Variants in PPDPFL observed in about 807,000 individuals in gnomAD.
PPDPFL encodes the protein pancreatic progenitor cell differentiation and proliferation factor-like protein.
In PPDPFL, 12 loss-of-function variants were observed where a neutral mutation model predicts 12.6. The observed-to-expected ratio is 0.95, with a 90% CI of 0.61 to 1.54. The LOEUF (loss-of-function observed/expected upper bound fraction) is 1.54, where lower values mean the gene tolerates loss of function less well. Among genes scored for constraint, PPDPFL ranks in the 40% most tolerant of loss-of-function variants. PPDPFL has a pLI of 0.00. For missense variants in PPDPFL, 114 were observed against 96.0 expected, an observed-to-expected ratio of 1.19 and a Z score of -0.78; for synonymous variants, 24 against 32.7, an observed-to-expected ratio of 0.73 and a Z score of 0.91.
rs1808418101 is a variant in PPDPFL at position 49,072,877 on chromosome 8, A to G, written c.47A>G (p.Tyr16Cys). The G allele has an allele frequency of 6.2e-7, 1 of 1,606,580 alleles. No homozygotes were observed. The change falls in exon 2 of 5, where the codon TAT (tyrosine) becomes TGT (cysteine). Residue 16 changes from tyrosine to cysteine, a missense_variant. By Grantham distance (194) the Tyr-to-Cys change is radical. Transcript: ENST00000522267. Reference sequence around the variant, plus strand: ...GGTTGCCTTCTAGCCAGAAATCAGTATTATCGAAGTAAGTTGCATCATCAT... The same window carrying G: ...GGTTGCCTTCTAGCCAGAAATCAGTGTTATCGAAGTAAGTTGCATCATCAT... ...SIGCLLARNQ[Y>C]YRKSSVSSVS...
chr8:49,066,213 A>G (rs1039152265), intron 1 of PPDPFL, among the ~76,000 whole-genome samples: 29 of 152,222 alleles, frequency 1.9e-4, no homozygotes, highest in Non-Finnish European at 3.4e-4. Context: ...GTTAAAAATG[A>G]AAGAAGAGAG....
chr8:49,068,063 T>A (rs1808327212), upstream of PPDPFL, among the ~76,000 whole-genome samples: 1 of 152,226 alleles, frequency 6.6e-6, no homozygotes, highest in South Asian at 2.1e-4. Context: ...TGTGACATTT[T>A]AATTATTACC....
At position 49,065,007 on chromosome 8, in the gene PPDPFL, G is replaced by C. The variant is rs74823828; in HGVS notation, c.-44-7780G>C. 2.9e-3 allele frequency among the ~76,000 whole-genome samples: 444 copies of C among 152,232 alleles called. 2 individuals carry two copies. Among genetic ancestry groups the C allele is most frequent in the African/African-American group, 0.01 (420 of 41,540 alleles). ...TAGGCTTCCAAATTATCAGTATATT[G>C]ACCGTTACTCAGAGTAATTATCCAA... is the stretch of plus-strand genomic sequence containing the variant. On this transcript the variant is annotated intron_variant, in intron 1 of 4. Coordinates refer to the PPDPFL transcript ENST00000517663.
chr8:49,062,134 G>A (rs899508957), intron 1 of PPDPFL, among the ~76,000 whole-genome samples: 3 of 152,172 alleles, frequency 2.0e-5, no homozygotes, highest in African/African-American at 7.2e-5. Flanking sequence ...TACCCTAAAG[G>A]AGCAGCAGGG....
Position 49,062,200 on chromosome 8 carries a change from C to T in PPDPFL, c.-45+7831C>T, listed in dbSNP as rs80256224. Among the ~76,000 whole-genome samples, 2,479 of 152,282 alleles carry T rather than the reference C, an allele frequency of 0.016. 143 individuals are homozygous for T. In the East Asian group the frequency reaches 0.19, roughly 11 times the overall value. ...CAGAACGGGTTCCTGATGGAGCTGG[C>T]TCAAGGAGTGCCAGACATAAAGTTG... On this transcript the variant is annotated intron_variant, in intron 1 of 4. Transcript: ENST00000517663.
rs186971836 is a variant in PPDPFL, at chr8:49,066,336, G to A, written c.-44-6451G>A. Among the ~76,000 whole-genome samples the A allele has an allele frequency of 3.6e-3, 544 of 152,264 alleles. 4 individuals carry two copies. Among genetic ancestry groups the A allele is most frequent in the African/African-American group, 0.013 (524 of 41,552 alleles). Reference sequence around the variant, plus strand: ...TAGCCACTAAGTTCAGCCCGCTGGGGGCTCTGTGTTGGTGGCTTCATCATA... The same window carrying A: ...TAGCCACTAAGTTCAGCCCGCTGGGAGCTCTGTGTTGGTGGCTTCATCATA... On this transcript the variant is annotated intron_variant, in intron 1 of 4. Transcript: ENST00000517663.
At chr8:49,073,942 C>G in intron 2 of PPDPFL, 117 bp from the exon 3 acceptor site, 1 of 682,930 alleles carries the variant, frequency 1.5e-6, no homozygotes, top group Non-Finnish European at 2.5e-6. Flanking sequence ...CATGAATTCA[C>G]AAGCCAGGAA....
At chr8:49,063,838 G>A (rs1021733642) in intron 1 of PPDPFL, among the ~76,000 whole-genome samples, 1 of 152,196 alleles carries the variant, frequency 6.6e-6, no homozygotes, top group African/African-American at 2.4e-5. Flanking sequence ...CCCTGGATTG[G>A]GGGGAAGTCC....
upstream of PPDPFL, chr8:49,072,207 G>A (rs551776959): frequency 1.3e-5 from 2 of 152,570 alleles, no homozygotes; most frequent in African/African-American, 4.8e-5. Context: ...TTGGCAGGCT[G>A]GAGGGCAGAC....
intron 1 of PPDPFL, among the ~76,000 whole-genome samples, chr8:49,061,153 C>G (rs940843145): frequency 6.6e-6 from 1 of 151,956 alleles, no homozygotes; most frequent in Non-Finnish European, 1.5e-5. Flanking sequence ...CCGTGTCCCT[C>G]AAAACTCAGA....
intron 1 of PPDPFL, among the ~76,000 whole-genome samples, chr8:49,063,411 A>G (rs1808244749): frequency 6.6e-6 from 1 of 152,118 alleles, no homozygotes; most frequent in African/African-American, 2.4e-5. Flanking sequence ...GCTGATACTA[A>G]TGCTACTTTT....
chr8:49,072,681 T>C (rs941729512), intron 1 of PPDPFL, 106 bp from the exon 2 acceptor site: 1 of 543,248 alleles, frequency 1.8e-6, no homozygotes, highest in African/African-American at 2.0e-5. Context: ...TTATCATATA[T>C]TTATTACATG....
At chr8:49,058,143 T>C (rs1160538937) in intron 1 of PPDPFL, among the ~76,000 whole-genome samples, 1 of 152,216 alleles carries the variant, frequency 6.6e-6, no homozygotes, top group East Asian at 1.9e-4. Flanking sequence ...AGGAAATTTG[T>C]CTTGGTTTAT....
At chr8:49,056,946 G>A (rs1808120299) in intron 1 of PPDPFL, among the ~76,000 whole-genome samples, 1 of 152,146 alleles carries the variant, frequency 6.6e-6, no homozygotes. Flanking sequence ...ACCCTAGTGT[G>A]TCATTTGATG....
chr8:49,063,648 G>T (rs1203454189), intron 1 of PPDPFL, among the ~76,000 whole-genome samples: 3 of 152,082 alleles, frequency 2.0e-5, no homozygotes, highest in Non-Finnish European at 4.4e-5. Context: ...AGCCCAGGAG[G>T]TGGAGGTTGC....
intron 1 of PPDPFL, among the ~76,000 whole-genome samples, chr8:49,063,805 A>C (rs1163572578): frequency 6.6e-6 from 1 of 152,188 alleles, no homozygotes; most frequent in Non-Finnish European, 1.5e-5. Context: ...GATCCAGTAG[A>C]TAATGGTAGA....
chr8:49,074,989 A>T (rs1012352400), intron 4 of PPDPFL, 163 bp from the exon 5 acceptor site: 9 of 1,379,248 alleles, frequency 6.5e-6, no homozygotes, highest in Non-Finnish European at 8.6e-6. Flanking sequence ...ATCATTATTT[A>T]AAATTAGAAT....
chr8:49,064,282 T>C (rs185242300), intron 1 of PPDPFL, among the ~76,000 whole-genome samples: 6 of 152,238 alleles, frequency 3.9e-5, no homozygotes, highest in Admixed American at 3.3e-4. Flanking sequence ...AAGATGAAGA[T>C]ATGGGTCGGT....
At chr8:49,068,279 C>T (rs1002566204), upstream of PPDPFL, among the ~76,000 whole-genome samples, 3 of 152,072 alleles carry the variant, frequency 2.0e-5, no homozygotes, top group Admixed American at 2.0e-4. Context: ...TGTTATGATT[C>T]AAAGACACAA....
Sources: allele counts gnomAD v4.1 joint callset (sites outside exome capture counted in the v4.1 genomes callset), GRCh38; gene constraint gnomAD v4.1.1; transcripts MANE v1.5; gene names NCBI Gene and HGNC (gene_info 2026-07-23, HGNC 2026-07-21).